Variants in RASIP1 observed in about 807,000 individuals in gnomAD.
The protein encoded by RASIP1 is Ras interacting protein 1.
RASIP1 carries 20 observed loss-of-function variants against 85.3 expected under a neutral mutation model. The observed-to-expected ratio is 0.23, with a 90% CI of 0.17 to 0.34. The LOEUF is 0.34. Ranked by LOEUF, RASIP1 falls within the 10% of genes least tolerant of loss-of-function variation. The probability of loss-of-function intolerance (pLI) is 1.00; values close to 1 mark genes in which losing one functional copy is unlikely to be tolerated. For synonymous variants in RASIP1, 617 were observed against 647.1 expected, an observed-to-expected ratio of 0.95 and a Z score of 0.71; for missense variants, 1,170 against 1,390.9, an observed-to-expected ratio of 0.84 and a Z score of 2.53.
Position 48,724,701 on chromosome 19 carries a change from C to G in RASIP1, c.2371+16G>C. On this transcript the variant is annotated intron_variant, in intron 9 of 11. Transcript: ENST00000222145. This position sits in a 1 kb window ranked among gnomAD's most constrained non-coding sequence, Gnocchi z 4.6. Reference sequence around the variant, plus strand: ...TCCTGTCTTTGCCTCCCTGACAGCTCCCAGCCAACCTTCACCTCGTTCCAT... The same window carrying G: ...TCCTGTCTTTGCCTCCCTGACAGCTGCCAGCCAACCTTCACCTCGTTCCAT... 2.5e-6 allele frequency: 4 copies of G among 1,613,756 alleles called. No individual in the cohort carries two copies. Among genetic ancestry groups the G allele is most frequent in the Non-Finnish European group, 3.4e-6 (4 of 1,179,770 alleles).
Position 48,724,649 on chromosome 19 carries a change from G to A in RASIP1, c.2371+68C>T. ...AAGGTGAGGCTTGAGCCCGTGGTGTGTCTAATATGACCTGAGTCTCAGTGG... is the reference window on the plus strand; with the variant it reads ...AAGGTGAGGCTTGAGCCCGTGGTGTATCTAATATGACCTGAGTCTCAGTGG... On this transcript the variant is annotated intron_variant, in intron 9 of 11. Transcript: ENST00000222145. This position sits in a 1 kb window ranked among gnomAD's most constrained non-coding sequence, Gnocchi z 4.6. The A allele has an allele frequency of 6.3e-7, 1 of 1,598,870 alleles. No individual in the cohort carries two copies. The highest frequency in any genetic ancestry group is 2.2e-5 in the East Asian group (1 of 44,786).
intron 5 of RASIP1, among the ~76,000 whole-genome samples, chr19:48,728,460 G>A (rs376602920): frequency 2.0e-5 from 3 of 152,044 alleles, no homozygotes; most frequent in Non-Finnish European, 2.9e-5. Context: ...CTATGGGGGG[G>A]CCCCTTGCTT....
At chr19:48,727,732 G>A (rs1381909626) in intron 5 of RASIP1, among the ~76,000 whole-genome samples, 3 of 149,206 alleles carry the variant, frequency 2.0e-5, no homozygotes, top group Non-Finnish European at 4.4e-5. Flanking sequence ...TGTTGCCCAG[G>A]CTGGGGTGCA....
chr19:48,738,942 G>A lies in RASIP1; in HGVS notation c.823+18C>T. On this transcript the variant is annotated intron_variant, in intron 3 of 11. Transcript: ENST00000222145. The surrounding 1 kb of genome is among the most constrained non-coding windows in gnomAD (Gnocchi z 4.0). ...TCTGGCACCGAGTCCCCGCCCCAGA[G>A]CCCCGCCCGCCGCTCACCTTCGCTG... is the stretch of plus-strand genomic sequence containing the variant. 8.5e-7 allele frequency: 1 copy of A among 1,177,230 alleles called. No individual in the cohort carries two copies. The highest frequency in any genetic ancestry group is 1.0e-6 in the Non-Finnish European group (1 of 955,868). The allele number at this position is 1,177,230 out of a possible 1,614,324, so 72.9% of individuals were successfully genotyped here. A position where few individuals can be genotyped will look rare whatever the true frequency, so the allele number is the denominator to read the frequency against.
At chr19:48,726,933 G>C (rs2033351791) in intron 7 of RASIP1, 45 bp from the exon 8 acceptor site, 1 of 1,609,400 alleles carries the variant, frequency 6.2e-7, no homozygotes, top group African/African-American at 1.3e-5. Context: ...GAAGTCGGCA[G>C]CCAGGAGCCC....
chr19:48,740,039 A>G lies in RASIP1; in HGVS notation c.137+107T>C. ...CCCTGCCCACCAGCTCGTTTGCCCA[A>G]TTCAGGATGAGGACCGGAGCCAACA... On this transcript the variant is annotated intron_variant, in intron 2 of 11. Coordinates refer to ENST00000222145, the MANE Select transcript of RASIP1 (RefSeq NM_017805.3). This position sits in a 1 kb window ranked among gnomAD's most constrained non-coding sequence, Gnocchi z 5.5. 1.4e-6 allele frequency: 2 copies of G among 1,402,748 alleles called. No homozygotes were observed. Among genetic ancestry groups the G allele is most frequent in the Non-Finnish European group, 1.9e-6 (2 of 1,063,500 alleles). 86.9% of individuals were successfully genotyped at this position (1,402,748 alleles called of 1,614,324 possible). A position where few individuals can be genotyped will look rare whatever the true frequency, so the allele number is the denominator to read the frequency against.
Position 48,729,709 on chromosome 19 carries a change from C to CTTTTTTTTTTTTTTTTTTTTTTTTT in RASIP1, c.1180-120_1180-119insAAAAAAAAAAAAAAAAAAAAAAAAA, listed in dbSNP as rs35424254. ...ACCAACTTTTTTTTTCCTTCTTCTT[C>CTTTTTTTTTTTTTTTTTTTTTTTTT]TTTTTTTTTTTTTTTTTTTTTTTGA... On this transcript the variant is annotated intron_variant, in intron 4 of 11. Transcript: ENST00000222145. 2.0e-5 allele frequency: 6 copies of CTTTTTTTTTTTTTTTTTTTTTTTTT among 295,836 alleles called. No homozygotes were observed. In the African/African-American group the frequency reaches 2.4e-4, roughly 12 times the overall value. 18.3% of individuals were successfully genotyped at this position (295,836 alleles called of 1,614,324 possible).
chr19:48,724,412 GTCGC>G lies in RASIP1; in HGVS notation c.2465_2468del (p.Gly822AlafsTer14). ...GTTTCCGGAAGAACTCAGTGGCAAT[GTCGC>G]CCAGCCCAGCTCCCTGTAGCCAGTC... On this transcript the variant is annotated frameshift_variant, in exon 10 of 12. Transcript: ENST00000222145. LOFTEE classifies it high-confidence loss of function. This position sits in a 1 kb window ranked among gnomAD's most constrained non-coding sequence, Gnocchi z 4.6. 1 of 1,614,190 alleles carries G rather than the reference GTCGC, an allele frequency of 6.2e-7. No homozygotes were observed. The highest frequency in any genetic ancestry group is 8.5e-7 in the Non-Finnish European group (1 of 1,180,038).
chr19:48,735,167 T>C, intron 4 of RASIP1, 29 bp downstream of exon 4: 1 of 1,573,612 alleles, frequency 6.4e-7, no homozygotes, highest in Non-Finnish European at 8.7e-7. Flanking sequence ...TATAGGGCTC[T>C]GGGCGTGCGG....
In RASIP1 at chr19:48,724,479, C is replaced by T. The variant is rs920345208; in HGVS notation, c.2402G>A (p.Arg801Gln). ...CAGGTTGGTTCGGATTTGAACAGCT[C>T]GGGACCATTGATAGAAAGGCCGGCC... ...GQGRPFYQWS[R>Q]AVQIRTNLDL... Residue 801 changes from arginine (R) to glutamine (Q), a missense_variant, in exon 10 of 12, where the codon CGA becomes CAA. Coordinates refer to ENST00000222145, the MANE Select transcript of RASIP1 (RefSeq NM_017805.3). This position sits in a 1 kb window ranked among gnomAD's most constrained non-coding sequence, Gnocchi z 4.6. 5 of 1,614,000 alleles carry T rather than the reference C, an allele frequency of 3.1e-6. No individual in the cohort carries two copies. The African/African-American group carries it at 4.0e-5, about 13-fold the overall frequency.
Position 48,724,522 on chromosome 19 carries a change from A to C in RASIP1, c.2372-13T>G. 6.2e-7 allele frequency: 1 copy of C among 1,610,500 alleles called. No homozygotes were observed. The highest frequency in any genetic ancestry group is 8.5e-7 in the Non-Finnish European group (1 of 1,177,282). Reference sequence around the variant, plus strand: ...GGCCGGCCTTGACCTGTGGGTGTTAAAGGTATGAGAGGCAGTTGGTTGGCT... The same window carrying C: ...GGCCGGCCTTGACCTGTGGGTGTTACAGGTATGAGAGGCAGTTGGTTGGCT... On this transcript the variant is annotated splice_polypyrimidine_tract_variant and intron_variant, in intron 9 of 11. Transcript: ENST00000222145. This position sits in a 1 kb window ranked among gnomAD's most constrained non-coding sequence, Gnocchi z 4.6.
In RASIP1 at chr19:48,729,009, G is replaced by A. The variant is rs1485612119; in HGVS notation, c.1761C>T (p.Ala587=). 3 of 1,450,252 alleles carry A rather than the reference G, an allele frequency of 2.1e-6. No homozygotes were observed. Among genetic ancestry groups the A allele is most frequent in the Admixed American group, 5.8e-5 (2 of 34,356 alleles). The allele number at this position is 1,450,252 out of a possible 1,614,324, so 89.8% of individuals were successfully genotyped here. The change falls in exon 5 of 12, where the codon GCC becomes GCT. Residue 587 remains alanine (A), a synonymous_variant. Transcript: ENST00000222145. ...TLLALCVQHS[A]RELELGHLPR... Reference sequence around the variant, plus strand: ...GCAGGTGGCCCAGCTCCAGCTCACGGGCGGAATGCTGCACGCACAGCGCCA... The same window carrying A: ...GCAGGTGGCCCAGCTCCAGCTCACGAGCGGAATGCTGCACGCACAGCGCCA...
intron 5 of RASIP1, among the ~76,000 whole-genome samples, chr19:48,728,231 CCT>C (rs1431700017): frequency 2.0e-5 from 3 of 152,178 alleles, no homozygotes; most frequent in Non-Finnish European, 4.4e-5. Flanking sequence ...TGCTTCCTCG[CCT>C]CCAAGAATGA....
At position 48,724,870 on chromosome 19, in the gene RASIP1, T is replaced by C. The variant is rs1346244034; in HGVS notation, c.2218A>G (p.Met740Val). 3 of 1,614,134 alleles carry C rather than the reference T, an allele frequency of 1.9e-6. No individual in the cohort carries two copies. The highest frequency in any genetic ancestry group is 2.7e-5 in the African/African-American group (2 of 74,948). The change falls in exon 9 of 12, where the codon ATG becomes GTG. Residue 740 changes from methionine to valine, a missense_variant. Met to Val is a conservative substitution (Grantham distance 21). Coordinates refer to ENST00000222145, the MANE Select transcript of RASIP1 (RefSeq NM_017805.3). The surrounding 1 kb of genome is among the most constrained non-coding windows in gnomAD (Gnocchi z 4.6). ...AGGGTAGGTCTCAATCCTGGAGGCA[T>C]GGCCCCCAGCTCCGCGCCAGGCCCC... ...LPGPGAELGA[M>V]PPGLRPTLGV...
chr19:48,733,068 T>A (rs1053266520), intron 4 of RASIP1, among the ~76,000 whole-genome samples: 1 of 152,124 alleles, frequency 6.6e-6, no homozygotes, highest in South Asian at 2.1e-4. Flanking sequence ...TCACTCTCCC[T>A]CCTGGAGTGC....
intron 4 of RASIP1, among the ~76,000 whole-genome samples, chr19:48,732,562 G>A (rs905880248): frequency 5.3e-5 from 8 of 151,570 alleles, no homozygotes; most frequent in South Asian, 2.1e-4. Context: ...CCTGTTTTCC[G>A]TTTTTTATAC....
Position 48,740,020 on chromosome 19 carries a change from C to G in RASIP1, c.137+126G>C. 1 of 1,292,146 alleles carries G rather than the reference C, an allele frequency of 7.7e-7. No individual in the cohort carries two copies. Among genetic ancestry groups the G allele is most frequent in the Non-Finnish European group, 1.0e-6 (1 of 967,826 alleles). The allele number at this position is 1,292,146 out of a possible 1,614,324, so 80.0% of individuals were successfully genotyped here. A position where few individuals can be genotyped will look rare whatever the true frequency, so the allele number is the denominator to read the frequency against. On this transcript the variant is annotated intron_variant, in intron 2 of 11. Coordinates refer to ENST00000222145, the MANE Select transcript of RASIP1 (RefSeq NM_017805.3). This position sits in a 1 kb window ranked among gnomAD's most constrained non-coding sequence, Gnocchi z 5.5. The stretch of plus-strand genomic sequence containing the variant: ...ACTGTGCCCCACCGTCTCCCCCTGC[C>G]CACCAGCTCGTTTGCCCAATTCAGG...
Position 48,726,906 on chromosome 19 carries a change from GT to G in RASIP1, c.2024-19del. 6.2e-7 allele frequency: 1 copy of G among 1,611,650 alleles called. No homozygotes were observed. The highest frequency in any genetic ancestry group is 8.5e-7 in the Non-Finnish European group (1 of 1,178,390). ...CTGTGGGTCTGAGGACAGGCTTGGG[GT>G]TAAGAGGGAGAACCAGAAGTCGGCA... On this transcript the variant is annotated intron_variant, in intron 7 of 11. Transcript: ENST00000222145.
intron 10 of RASIP1, among the ~76,000 whole-genome samples, chr19:48,723,877 G>A (rs1601271893): frequency 7.0e-6 from 1 of 141,876 alleles, no homozygotes; most frequent in African/African-American, 2.6e-5. Context: ...GTGCAATCTT[G>A]GCTCACTGCA....
Sources: gnomAD v4.1 joint callset for allele counts (sites outside exome capture counted in the v4.1 genomes callset) on GRCh38, gnomAD v4.1.1 for gene constraint, Gnocchi (gnomAD v3.1) non-coding constraint, MANE v1.5 for transcripts, NCBI Gene and HGNC (gene_info 2026-07-23, HGNC 2026-07-21) for gene names.